Variants in MAGT1 observed in about 807,000 individuals in gnomAD.
The protein encoded by MAGT1 is magnesium transporter 1.
Under a neutral mutation model 28.4 loss-of-function variants are expected in MAGT1, and 4 were observed. The ratio of observed to expected loss-of-function variants is 0.14; its 90% CI spans 0.07 to 0.32. The LOEUF is 0.32. Ranked by LOEUF, MAGT1 falls within the 10% of genes least tolerant of loss-of-function variation. MAGT1 has a pLI of 1.00. For synonymous variants in MAGT1, 89 were observed against 89.7 expected, an observed-to-expected ratio of 0.99 and a Z score of 0.04; for missense variants, 193 against 264.5, an observed-to-expected ratio of 0.73 and a Z score of 1.88.
At chrX:77,845,491 T>C (rs1366211254) in intron 7 of MAGT1, among the ~76,000 whole-genome samples, 3 of 111,692 alleles carry the variant, frequency 2.7e-5, no homozygotes, top group Non-Finnish European at 5.6e-5. Flanking sequence ...TTATGTTAGC[T>C]GGTTATTTTG....
intron 8 of MAGT1, chrX:77,837,354 T>G (rs1275502489): frequency 3.6e-5 from 4 of 112,090 alleles, no homozygotes; most frequent in African/African-American, 1.3e-4. Flanking sequence ...ATGGCCCCTG[T>G]GCAAGGATGA....
intron 1 of MAGT1, among the ~76,000 whole-genome samples, chrX:77,887,867 G>A (rs1306709603): frequency 2.7e-5 from 3 of 112,153 alleles, no homozygotes; most frequent in Non-Finnish European, 5.6e-5. Context: ...GAGTGCAGTG[G>A]CACGATCTTG....
rs1395513832 is a variant in MAGT1, at chrX:77,826,314, T to C, written c.*2906A>G. On this transcript the variant is annotated 3_prime_UTR_variant, in exon 10 of 10. Coordinates refer to ENST00000618282, the MANE Select transcript of MAGT1 (RefSeq NM_001367916.1). ...TAAAATCCTAATTTTACAATTCTAG[T>C]TTAGTGTTTAAAACTCACTCCTCTT... The C allele has an allele frequency of 4.4e-4, 50 of 112,420 alleles. No homozygotes were observed. Among genetic ancestry groups the C allele is most frequent in the African/African-American group, 1.6e-3 (49 of 30,978 alleles). 9.3% of individuals were successfully genotyped at this position (112,420 alleles called of 1,213,427 possible).
At chrX:77,883,297 C>T (rs1219441193) in intron 1 of MAGT1, among the ~76,000 whole-genome samples, 1 of 104,118 alleles carries the variant, frequency 9.6e-6, no homozygotes, top group African/African-American at 3.5e-5. Flanking sequence ...TCCCATCTGC[C>T]GGCAGATCAC....
chrX:77,873,461 T>C (rs1329815066), intron 2 of MAGT1, among the ~76,000 whole-genome samples: 1 of 112,614 alleles, frequency 8.9e-6, no homozygotes, highest in Non-Finnish European at 1.9e-5. Context: ...TCTAAAAATA[T>C]AAATAAAAAG....
chrX:77,876,857 T>C (rs1015112738), intron 1 of MAGT1, among the ~76,000 whole-genome samples: 6 of 108,391 alleles, frequency 5.5e-5, no homozygotes, highest in African/African-American at 2.0e-4. Context: ...GTACCAAAAA[T>C]ACAAAATTAG....
intron 1 of MAGT1, among the ~76,000 whole-genome samples, chrX:77,879,684 A>G (rs1401674097): frequency 9.0e-6 from 1 of 111,167 alleles, no homozygotes; most frequent in Non-Finnish European, 1.9e-5. Flanking sequence ...CTAAATTTAT[A>G]ATCAGTGAAA....
intron 1 of MAGT1, among the ~76,000 whole-genome samples, chrX:77,886,797 A>G (rs1235449686): frequency 8.9e-6 from 1 of 112,170 alleles, no homozygotes; most frequent in Non-Finnish European, 1.9e-5. Flanking sequence ...AAGTTTGAGA[A>G]TCACAGCTCT....
intron 1 of MAGT1, among the ~76,000 whole-genome samples, chrX:77,888,629 T>C (rs1033900069): frequency 9.0e-6 from 1 of 111,515 alleles, no homozygotes; most frequent in Non-Finnish European, 1.9e-5. Context: ...CTATCACTCA[T>C]CAAAAATGGA....
intron 7 of MAGT1, 138 bp from the exon 8 acceptor site, chrX:77,841,458 T>A (rs1274763443): frequency 4.2e-6 from 2 of 478,110 alleles, no homozygotes; most frequent in Non-Finnish European, 7.4e-6. Flanking sequence ...AAATAAGGAA[T>A]CTTGTATCTA....
intron 1 of MAGT1, among the ~76,000 whole-genome samples, chrX:77,885,065 A>G (rs2077063799): frequency 9.4e-6 from 1 of 106,781 alleles, no homozygotes; most frequent in Non-Finnish European, 1.9e-5. Flanking sequence ...CCATCTCAAA[A>G]AAAAAAAAAA....
chrX:77,859,799 G>A (rs891249012), intron 3 of MAGT1, among the ~76,000 whole-genome samples: 3 of 110,535 alleles, frequency 2.7e-5, no homozygotes, highest in Non-Finnish European at 3.8e-5. Context: ...CCTGGGAGGC[G>A]GAGGTTGCAG....
intron 7 of MAGT1, among the ~76,000 whole-genome samples, chrX:77,850,985 T>C (rs2076966159): frequency 9.2e-6 from 1 of 109,183 alleles, no homozygotes; most frequent in East Asian, 2.9e-4. Flanking sequence ...TTTTTTTTTT[T>C]TCTTTGAGAC....
intron 3 of MAGT1, among the ~76,000 whole-genome samples, chrX:77,865,205 A>C (rs2077005250): frequency 8.9e-6 from 1 of 112,161 alleles, no homozygotes; most frequent in South Asian, 3.6e-4. Context: ...TTCAACATTT[A>C]CCGAATACCC....
chrX:77,848,263 C>T (rs1308643464), intron 7 of MAGT1, among the ~76,000 whole-genome samples: 1 of 112,186 alleles, frequency 8.9e-6, no homozygotes, highest in Non-Finnish European at 1.9e-5. Context: ...CAATGAAATA[C>T]ATAAATTACA....
chrX:77,868,923 C>T (rs895257878), intron 3 of MAGT1, among the ~76,000 whole-genome samples: 1 of 112,245 alleles, frequency 8.9e-6, no homozygotes, highest in Admixed American at 9.5e-5. Flanking sequence ...AAAAGATCTA[C>T]TTTTCTACTA....
intron 7 of MAGT1, among the ~76,000 whole-genome samples, chrX:77,853,185 C>T (rs782758783): frequency 1.8e-5 from 2 of 111,938 alleles, no homozygotes; most frequent in African/African-American, 6.5e-5. Flanking sequence ...ACAACACAAA[C>T]ATAAAGCAGC....
intron 3 of MAGT1, among the ~76,000 whole-genome samples, chrX:77,858,893 T>C (rs1033909007): frequency 5.4e-5 from 6 of 111,017 alleles, no homozygotes; most frequent in African/African-American, 2.0e-4. Flanking sequence ...ACACCACCTC[T>C]ACATTTTTGA....
chrX:77,895,449 G>C, upstream of MAGT1: 3 of 1,200,555 alleles, frequency 2.5e-6, no homozygotes, highest in Non-Finnish European at 2.2e-6. Context: ...ACTTTGCTCC[G>C]GCTAGGTCTG....
Sources: allele counts gnomAD v4.1 joint callset (sites outside exome capture counted in the v4.1 genomes callset), GRCh38; gene constraint gnomAD v4.1.1; transcripts MANE v1.5; gene names NCBI Gene and HGNC (gene_info 2026-07-23, HGNC 2026-07-21).